Variants in USP32 observed in about 807,000 individuals in gnomAD.
The protein encoded by USP32 is ubiquitin specific peptidase 32.
A neutral mutation model predicts 204.8 loss-of-function variants in USP32; 59 were observed. The ratio of observed to expected loss-of-function variants is 0.29; its 90% CI spans 0.23 to 0.36. USP32 has a LOEUF of 0.36. Ranked by LOEUF, USP32 falls within the 10% of genes least tolerant of loss-of-function variation. The pLI is 1.00. For missense variants in USP32, 1,160 were observed against 1,946.4 expected (o/e 0.60, Z 7.60); for synonymous variants, 517 against 678.4 (o/e 0.76, Z 3.70).
intron 30 of USP32, 82 bp from the exon 31 acceptor site, chr17:60,183,535 A>T: frequency 6.8e-7 from 1 of 1,467,764 alleles, no homozygotes. Flanking sequence ...AGTCAAATAC[A>T]TGTGAATGTT....
At chr17:60,412,294 C>T (rs7214383) in intron 1 of USP32, among the ~76,000 whole-genome samples, 169 of 151,930 alleles carry the variant, frequency 1.1e-3, no homozygotes, top group Non-Finnish European at 2.0e-3. Context: ...TGCTTGAGCC[C>T]AGGAGTTTGA....
At chr17:60,259,929 T>C (rs562111918) in intron 9 of USP32, among the ~76,000 whole-genome samples, 2 of 152,366 alleles carry the variant, frequency 1.3e-5, no homozygotes, top group Non-Finnish European at 2.9e-5. Flanking sequence ...ACTAGAAATA[T>C]GCTGTAGGAA....
chr17:60,209,945 T>C (rs2084917159), intron 21 of USP32, among the ~76,000 whole-genome samples: 1 of 151,978 alleles, frequency 6.6e-6, no homozygotes, highest in South Asian at 2.1e-4. Flanking sequence ...AGTATATACA[T>C]AACATATGCA....
intron 12 of USP32, among the ~76,000 whole-genome samples, chr17:60,227,266 TTTTTC>T (rs972262201): frequency 4.3e-5 from 6 of 138,428 alleles, no homozygotes; most frequent in Admixed American, 2.0e-4. Flanking sequence ...TTCTTTTCTT[TTTTTC>T]TTTTTTTTTT....
chr17:60,316,449 T>C (rs1022134972), intron 2 of USP32, among the ~76,000 whole-genome samples: 1 of 152,180 alleles, frequency 6.6e-6, no homozygotes, highest in African/African-American at 2.4e-5. Context: ...AAAGCATTAA[T>C]GCAAGTCAAA....
chr17:60,205,848 T>C (rs1272399199), intron 25 of USP32, among the ~76,000 whole-genome samples, 190 bp from the exon 26 acceptor site: 5 of 152,230 alleles, frequency 3.3e-5, no homozygotes, highest in Admixed American at 2.0e-4. Context: ...ACTCACACTT[T>C]TGGCCAAATG....
chr17:60,186,028 G>C (rs2084241969), intron 29 of USP32: 1 of 163,636 alleles, frequency 6.1e-6, no homozygotes, highest in Non-Finnish European at 1.3e-5. Flanking sequence ...GCTCCAGCCT[G>C]GATGACAGAG....
At chr17:60,180,683 T>C in intron 32 of USP32, 46 bp from the exon 33 acceptor site, 4 of 1,572,176 alleles carry the variant, frequency 2.5e-6, no homozygotes, top group Middle Eastern at 1.7e-4. Flanking sequence ...TTAACTGTAC[T>C]ATGGCCAGGG....
intron 10 of USP32, 71 bp from the exon 11 acceptor site, chr17:60,252,513 T>C: frequency 8.6e-7 from 1 of 1,166,380 alleles, no homozygotes; most frequent in East Asian, 2.6e-5. Context: ...TGAGACCCAT[T>C]TCCTAAATTG....
At chr17:60,204,143 T>A (rs2084761416) in intron 26 of USP32, among the ~76,000 whole-genome samples, 1 of 152,082 alleles carries the variant, frequency 6.6e-6, no homozygotes, top group Admixed American at 6.6e-5. Context: ...ACGCACAACT[T>A]GATTTTCCTC....
intron 9 of USP32, among the ~76,000 whole-genome samples, chr17:60,264,107 A>G (rs1416812244): frequency 6.6e-6 from 1 of 152,206 alleles, no homozygotes; most frequent in Non-Finnish European, 1.5e-5. Context: ...AAATGTTACC[A>G]AACTAAATAA....
chr17:60,220,674 C>T (rs1397758942), intron 15 of USP32, among the ~76,000 whole-genome samples: 4 of 151,330 alleles, frequency 2.6e-5, no homozygotes, highest in Non-Finnish European at 4.4e-5. Flanking sequence ...GACACAGTCT[C>T]GCTCTGTCAC....
chr17:60,211,936 A>G (rs2084978436), intron 19 of USP32, 88 bp downstream of exon 19: 1 of 1,197,226 alleles, frequency 8.4e-7, no homozygotes, highest in South Asian at 1.6e-5. Context: ...TAGAAAACCA[A>G]AAGTTGTTAG....
intron 2 of USP32, among the ~76,000 whole-genome samples, chr17:60,304,281 A>G (rs900621582): frequency 6.6e-6 from 1 of 152,090 alleles, no homozygotes; most frequent in Non-Finnish European, 1.5e-5. Context: ...GCACTAAAGG[A>G]AAAAAACTCA....
chr17:60,263,640 T>C (rs992293189), intron 9 of USP32, among the ~76,000 whole-genome samples: 1 of 152,064 alleles, frequency 6.6e-6, no homozygotes, highest in Non-Finnish European at 1.5e-5. Context: ...AGAAAAAAGG[T>C]GTTCAAAATT....
upstream of USP32, among the ~76,000 whole-genome samples, chr17:60,394,476 G>T (rs1359768968): frequency 6.6e-6 from 1 of 152,294 alleles, no homozygotes; most frequent in South Asian, 2.1e-4. Flanking sequence ...TGCCCCACTT[G>T]AAAGACAGGA....
At position 60,218,795 on chromosome 17, in the gene USP32, G is replaced by A. The variant is rs138868289; in HGVS notation, c.1867+875C>T. Among the ~76,000 whole-genome samples, 89 of 152,196 alleles carry A rather than the reference G, an allele frequency of 5.8e-4. 1 individual carries two copies. Among genetic ancestry groups the A allele is most frequent in the East Asian group, 1.2e-3 (6 of 5,178 alleles). ...TGTGTTTTTAGTAGAGACAGGGTTC[G>A]TGTTGGCCAGGCTGGTCTTGAACTC... On this transcript the variant is annotated intron_variant, in intron 16 of 33. Coordinates refer to ENST00000300896, the MANE Select transcript of USP32 (RefSeq NM_032582.4).
chr17:60,201,734 T>G (rs147703757), intron 26 of USP32, among the ~76,000 whole-genome samples: 1 of 150,926 alleles, frequency 6.6e-6, no homozygotes, highest in South Asian at 2.2e-4. Context: ...TCTCGGCCCA[T>G]TGCAACCTCT....
chr17:60,411,611 G>A (rs1313119008), intron 1 of USP32, among the ~76,000 whole-genome samples: 2 of 149,716 alleles, frequency 1.3e-5, no homozygotes, highest in Non-Finnish European at 3.0e-5. Context: ...ATGGGCTCAA[G>A]TGATCCTCCC....
Sources: gnomAD v4.1 joint callset for allele counts (sites outside exome capture counted in the v4.1 genomes callset) on GRCh38, gnomAD v4.1.1 for gene constraint, MANE v1.5 for transcripts, NCBI Gene and HGNC (gene_info 2026-07-23, HGNC 2026-07-21) for gene names.